Variants in MTR observed in about 807,000 individuals in gnomAD.
The protein encoded by MTR is methionine synthase.
A neutral mutation model predicts 154.8 loss-of-function variants in MTR; 84 were observed. The observed-to-expected ratio is 0.54, with a 90% CI of 0.45 to 0.65. The LOEUF is 0.65. Ranked by LOEUF, MTR falls within the 30% of genes least tolerant of loss-of-function variation. MTR has a pLI of 0.00. For synonymous variants in MTR, 554 were observed against 553.9 expected, an observed-to-expected ratio of 1.00 and a Z score of 0.00; for missense variants, 1,275 against 1,570.2, an observed-to-expected ratio of 0.81 and a Z score of 3.18.
Position 236,835,646 on chromosome 1 carries a change from AG to A in MTR, c.1289del (p.Arg430AsnfsTer5). On this transcript the variant is annotated frameshift_variant, in exon 14 of 33. Coordinates refer to ENST00000366577, the MANE Select transcript of MTR (RefSeq NM_000254.3). LOFTEE classifies it high-confidence loss of function. ...GMLDGPSAMT[R>X]FCNLIASEPD... ...GCTAGATGGTCCAAGTGCAATGACC[AG>A]ATTTTGCAACTTAATTGCTTCCGAG... 3.7e-6 allele frequency: 6 copies of A among 1,611,600 alleles called. No individual in the cohort carries two copies. Among genetic ancestry groups the A allele is most frequent in the Non-Finnish European group, 5.1e-6 (6 of 1,179,590 alleles).
intron 22 of MTR, among the ~76,000 whole-genome samples, chr1:236,865,925 A>G (rs1000117404): frequency 6.6e-6 from 1 of 152,164 alleles, no homozygotes; most frequent in Non-Finnish European, 1.5e-5. Context: ...ACTTAGGCTT[A>G]GAGAACTTGA....
intron 6 of MTR, among the ~76,000 whole-genome samples, chr1:236,813,620 A>G (rs944494084): frequency 1.3e-5 from 2 of 152,196 alleles, no homozygotes; most frequent in Non-Finnish European, 2.9e-5. Flanking sequence ...TTTTCTTACT[A>G]CTAATGTAAT....
chr1:236,847,897 T>C (rs1383904988), intron 15 of MTR, among the ~76,000 whole-genome samples: 2 of 152,188 alleles, frequency 1.3e-5, no homozygotes, highest in Non-Finnish European at 2.9e-5. Flanking sequence ...ACCAGCACGA[T>C]TGAGGCTTTA....
rs1664416753 is a variant in MTR at position 236,859,846 on chromosome 1, GA to G, written c.1968del (p.Lys658ArgfsTer23). Reference sequence around the variant, plus strand: ...ATTTCAATTCAGACTCAAGGCACAGGAGGGAAGAAAGTCATTCAGACTGATG... The same window carrying G: ...ATTTCAATTCAGACTCAAGGCACAGGGGGAAGAAAGTCATTCAGACTGATG... Reference protein sequence around the residue: ...LLRYAQTQGTGGKKVIQTDEW... With the variant: ...LLRYAQTQGTXGKKVIQTDEW... On this transcript the variant is annotated frameshift_variant, in exon 19 of 33. Coordinates refer to ENST00000366577, the MANE Select transcript of MTR (RefSeq NM_000254.3). LOFTEE classifies it high-confidence loss of function. The G allele has an allele frequency of 6.2e-7, 1 of 1,613,790 alleles. No homozygotes were observed. The highest frequency in any genetic ancestry group is 1.3e-5 in the African/African-American group (1 of 74,906).
intron 15 of MTR, among the ~76,000 whole-genome samples, chr1:236,838,956 A>G (rs985559723): frequency 6.6e-6 from 1 of 152,224 alleles, no homozygotes; most frequent in African/African-American, 2.4e-5. Context: ...CGTACTGAAT[A>G]CTATAGGCAA....
At position 236,861,112 on chromosome 1, in the gene MTR, T is replaced by TTTTTTTTTTTTTTTC; in HGVS notation, c.2044-12_2044-11insTTTTTTTTTTTTTCT. 6.5e-7 allele frequency: 1 copy of TTTTTTTTTTTTTTTC among 1,532,968 alleles called. No individual in the cohort carries two copies. The highest frequency in any genetic ancestry group is 1.3e-5 in the South Asian group (1 of 79,470). 95.0% of individuals were successfully genotyped at this position (1,532,968 alleles called of 1,614,324 possible). A position where few individuals can be genotyped will look rare whatever the true frequency, so the allele number is the denominator to read the frequency against. On this transcript the variant is annotated splice_polypyrimidine_tract_variant and intron_variant, in intron 19 of 32. Transcript: ENST00000366577. ...CTTTCTTTTTCTTTTTTTTTTTTTTTTGTCTTTTTTAGGGCATTGAAAAAC... is the reference window on the plus strand; with the variant it reads ...CTTTCTTTTTCTTTTTTTTTTTTTTTTTTTTTTTTTTTTTCTGTCTTTTTTAGGGCATTGAAAAAC...
At chr1:236,882,025 TCTC>T (rs1665763814) in intron 25 of MTR, among the ~76,000 whole-genome samples, 1 of 152,228 alleles carries the variant, frequency 6.6e-6, no homozygotes, top group Non-Finnish European at 1.5e-5. Flanking sequence ...ATTTAACAAT[TCTC>T]CTTCATTAAA....
intron 21 of MTR, 127 bp downstream of exon 21, chr1:236,862,470 C>T (rs1447634555): frequency 6.9e-6 from 5 of 726,472 alleles, no homozygotes; most frequent in Non-Finnish European, 1.2e-5. Context: ...AGAAATGATC[C>T]CACATCTCTC....
intron 24 of MTR, among the ~76,000 whole-genome samples, chr1:236,880,469 C>T (rs1304313115): frequency 2.6e-5 from 4 of 152,136 alleles, no homozygotes; most frequent in African/African-American, 4.8e-5. Context: ...ACGTGGGCTG[C>T]GAATGAGCAC....
intron 32 of MTR, among the ~76,000 whole-genome samples, 194 bp downstream of exon 32, chr1:236,897,312 A>ACG (rs1034067394): frequency 6.0e-5 from 4 of 66,180 alleles, no homozygotes; most frequent in East Asian, 4.5e-4. Context: ...ACACACACGC[A>ACG]CACACACACA....
chr1:236,880,818 G>A lies in MTR; in HGVS notation c.2658G>A (p.Ala886=), dbSNP rs142537384. ...YSAPVIHVLD[A]SKSVVVCSQL... ...CACCTGTAATCCATGTCCTGGACGC[G>A]TCCAAGAGTGTGGTGGTGGTAAGTG... is the stretch of plus-strand genomic sequence containing the variant. Residue 886 remains alanine, a synonymous_variant, in exon 25 of 33, where the codon GCG becomes GCA. Transcript: ENST00000366577. 102 of 1,614,102 alleles carry A rather than the reference G, an allele frequency of 6.3e-5. No individual in the cohort carries two copies. Among genetic ancestry groups the A allele is most frequent in the East Asian group, 3.8e-4 (17 of 44,878 alleles).
At chr1:236,841,103 G>C (rs1045585536) in intron 15 of MTR, among the ~76,000 whole-genome samples, 1 of 152,120 alleles carries the variant, frequency 6.6e-6, no homozygotes. Flanking sequence ...AGCTTTTTAA[G>C]CTGATTCTTG....
At chr1:236,827,009 G>T (rs1428124347) in intron 11 of MTR, 113 bp downstream of exon 11, 10 of 963,670 alleles carry the variant, frequency 1.0e-5, no homozygotes, top group Non-Finnish European at 1.3e-5. Context: ...TTTGTATGTT[G>T]AAGTTCTAAC....
At chr1:236,825,842 C>T (rs912036046) in intron 10 of MTR, among the ~76,000 whole-genome samples, 1 of 152,242 alleles carries the variant, frequency 6.6e-6, no homozygotes. Context: ...ACTGCTGCTT[C>T]TTATTGCACT....
chr1:236,874,801 T>C lies in MTR; in HGVS notation c.2549T>C (p.Leu850Ser). 6.2e-7 allele frequency: 1 copy of C among 1,613,842 alleles called. No homozygotes were observed. Among genetic ancestry groups the C allele is most frequent in the Non-Finnish European group, 8.5e-7 (1 of 1,179,858 alleles). ...MIFVAKEMERLAIRIPLLIGG... is the reference protein window; with the variant it reads ...MIFVAKEMERSAIRIPLLIGG... ...TTTGTTGCCAAGGAAATGGAGAGAT[T>C]AGCTATAAGGATTCCATTGTTGATT... Residue 850 changes from leucine to serine, a missense_variant, in exon 24 of 33, where the codon TTA (leucine) becomes TCA (serine). By Grantham distance (145) the Leu-to-Ser change is moderately radical. Coordinates refer to ENST00000366577, the MANE Select transcript of MTR (RefSeq NM_000254.3).
At chr1:236,865,666 A>G (rs1269633049) in intron 22 of MTR, among the ~76,000 whole-genome samples, 1 of 152,242 alleles carries the variant, frequency 6.6e-6, no homozygotes, top group Non-Finnish European at 1.5e-5. Context: ...ATATGATGCA[A>G]TAGAATTGCA....
intron 15 of MTR, among the ~76,000 whole-genome samples, chr1:236,844,518 C>T (rs925892931): frequency 6.8e-6 from 1 of 146,452 alleles, no homozygotes; most frequent in Non-Finnish European, 1.5e-5. Flanking sequence ...GCTGTGACAA[C>T]ATGTTTTTGT....
Position 236,826,837 on chromosome 1 carries a change from T to C in MTR, c.936T>C (p.Ala312=), listed in dbSNP as rs1662315224. ...SMMAKHLKDF[A]MDGLVNIVGG... ...TCTCTTCCTAAATGCAGGATTTTGC[T>C]ATGGATGGCTTGGTCAATATAGTTG... is the stretch of plus-strand genomic sequence containing the variant. The change falls in exon 11 of 33, where the codon GCT becomes GCC. Residue 312 remains alanine, a synonymous_variant. Coordinates refer to ENST00000366577, the MANE Select transcript of MTR (RefSeq NM_000254.3). 6.2e-7 allele frequency: 1 copy of C among 1,614,018 alleles called. No individual in the cohort carries two copies. The highest frequency in any genetic ancestry group is 1.1e-5 in the South Asian group (1 of 91,090).
Position 236,894,430 on chromosome 1 carries a change from TC to T in MTR, c.3280del (p.Arg1094ValfsTer14). On this transcript the variant is annotated frameshift_variant, in exon 30 of 33. Coordinates refer to ENST00000366577, the MANE Select transcript of MTR (RefSeq NM_000254.3). LOFTEE classifies it high-confidence loss of function. ...SDFIAPLHSG[I>X]RDYLGLFAVA... is the part of the protein sequence containing the mutation. ...TTCATCGCTCCCTTGCATTCTGGCA[TC>T]CGTGACTACCTGGGCCTGTTTGCCG... 6.2e-7 allele frequency: 1 copy of T among 1,614,198 alleles called. No homozygotes were observed. Among genetic ancestry groups the T allele is most frequent in the Non-Finnish European group, 8.5e-7 (1 of 1,180,040 alleles).
Sources: allele counts gnomAD v4.1 joint callset (sites outside exome capture counted in the v4.1 genomes callset), GRCh38; gene constraint gnomAD v4.1.1; transcripts MANE v1.5; gene names NCBI Gene and HGNC (gene_info 2026-07-23, HGNC 2026-07-21).